RMST: variants seen among roughly 807,000 people sequenced by gnomAD.
The protein encoded by RMST is rhabdomyosarcoma 2 associated transcript.
At chr12:97,470,803 A>C (rs975531410) in intron 5 of RMST, among the ~76,000 whole-genome samples, 3 of 151,936 alleles carry the variant, frequency 2.0e-5, no homozygotes, top group African/African-American at 7.2e-5. Flanking sequence ...CCTGGGATAT[A>C]TTTCAGTATC....
chr12:97,463,876 G>GT (rs1047253608), intron 4 of RMST, among the ~76,000 whole-genome samples: 29 of 151,598 alleles, frequency 1.9e-4, no homozygotes, highest in African/African-American at 6.3e-4. Context: ...AAATTAGTTG[G>GT]TTTTTTTTAA....
chr12:97,519,138 T>C (rs748458942), intron 10 of RMST, among the ~76,000 whole-genome samples: 63 of 152,328 alleles, frequency 4.1e-4, no homozygotes, highest in Non-Finnish European at 7.5e-4. Context: ...AACTTCTGCA[T>C]TGTACATCTT....
chr12:97,499,782 C>A (rs1417557501), intron 10 of RMST, among the ~76,000 whole-genome samples: 1 of 151,804 alleles, frequency 6.6e-6, no homozygotes, highest in African/African-American at 2.4e-5. Context: ...TCCTCAGCCT[C>A]CCGAGTAGCT....
At chr12:97,482,791 ATTAT>A (rs1210391024) in intron 5 of RMST, among the ~76,000 whole-genome samples, 6 of 143,538 alleles carry the variant, frequency 4.2e-5, no homozygotes, top group Admixed American at 6.9e-5. Context: ...ATAAATTTAT[ATTAT>A]TTATTTATTA....
intron 10 of RMST, among the ~76,000 whole-genome samples, chr12:97,518,937 T>C (rs2136542891): frequency 6.7e-6 from 1 of 148,284 alleles, no homozygotes; most frequent in African/African-American, 2.6e-5. Flanking sequence ...GTTCAGCTAA[T>C]TAAAAAAAAA....
chr12:97,471,259 T>C (rs189041949), intron 5 of RMST, among the ~76,000 whole-genome samples: 2 of 152,226 alleles, frequency 1.3e-5, no homozygotes, highest in African/African-American at 2.4e-5. Context: ...GCATAATATA[T>C]GTGTAGCGTG....
intron 4 of RMST, chr12:97,465,637 T>TA (rs763412077): frequency 1.3e-5 from 2 of 152,120 alleles, no homozygotes; most frequent in Non-Finnish European, 2.9e-5. Flanking sequence ...TTTTAAGTAA[T>TA]ATGCTAATAG....
intron 5 of RMST, among the ~76,000 whole-genome samples, chr12:97,480,094 T>TTTC (rs200929363): frequency 0.086 from 10,150 of 117,430 alleles, 512 homozygotes; most frequent in African/African-American, 0.13. Flanking sequence ...TTTTTCTTTT[T>TTTC]TTTTCTTTTT....
intron 11 of RMST, chr12:97,551,834 A>G (rs1565938536): frequency 6.6e-6 from 1 of 152,192 alleles, no homozygotes. Flanking sequence ...CCACATAGGA[A>G]CGACTATGCT....
intron 5 of RMST, among the ~76,000 whole-genome samples, chr12:97,489,365 T>C (rs1207241668): frequency 6.6e-6 from 1 of 151,930 alleles, no homozygotes; most frequent in Non-Finnish European, 1.5e-5. Context: ...GAGGATCACT[T>C]GAGCCCAGGA....
At chr12:97,485,746 C>T (rs893657994) in intron 5 of RMST, among the ~76,000 whole-genome samples, 3 of 152,246 alleles carry the variant, frequency 2.0e-5, no homozygotes, top group Non-Finnish European at 2.9e-5. Context: ...AGAGGAGACA[C>T]AGTTCCATCT....
At chr12:97,535,198 C>A (rs1181288553) in intron 11 of RMST, among the ~76,000 whole-genome samples, 2 of 151,188 alleles carry the variant, frequency 1.3e-5, no homozygotes, top group East Asian at 3.9e-4. Flanking sequence ...AATAAGTGTC[C>A]CAATGTTAAC....
At chr12:97,529,400 A>G (rs1881426313) in intron 10 of RMST, among the ~76,000 whole-genome samples, 1 of 152,130 alleles carries the variant, frequency 6.6e-6, no homozygotes, top group Admixed American at 6.6e-5. Flanking sequence ...TGCAGTTTTC[A>G]CAGAGAGAGA....
At chr12:97,526,193 C>T (rs1881094789) in intron 10 of RMST, among the ~76,000 whole-genome samples, 1 of 152,086 alleles carries the variant, frequency 6.6e-6, no homozygotes, top group African/African-American at 2.4e-5. Context: ...TCCCCCACCC[C>T]ACTTCCGGTC....
intron 5 of RMST, among the ~76,000 whole-genome samples, chr12:97,483,642 A>G (rs998940314): frequency 1.3e-5 from 2 of 152,188 alleles, no homozygotes; most frequent in East Asian, 1.9e-4. Context: ...GTTATGACTT[A>G]TATCTCCTTT....
intron 11 of RMST, among the ~76,000 whole-genome samples, chr12:97,543,297 G>A (rs1185366780): frequency 1.3e-5 from 2 of 151,994 alleles, no homozygotes; most frequent in African/African-American, 2.4e-5. Flanking sequence ...TGTGGGGACA[G>A]AGTAAAGGCC....
rs556496028 is a variant in RMST at position 97,488,778 on chromosome 12, AC to A, written n.645-3680del. On this transcript the variant is annotated intron_variant and non_coding_transcript_variant, in intron 5 of 13. Transcript: ENST00000640149. ...GTTCCGTTTTCTTTGTATAGCACTT[AC>A]CCAGTAGCTCCATACAAGTGAGCAC... 2.0e-5 allele frequency among the ~76,000 whole-genome samples: 3 copies of A among 152,212 alleles called. No individual in the cohort carries two copies. In the South Asian group the frequency reaches 6.2e-4, roughly 32 times the overall value.
chr12:97,527,583 C>T (rs927614216), intron 10 of RMST, among the ~76,000 whole-genome samples: 1 of 152,142 alleles, frequency 6.6e-6, no homozygotes, highest in Admixed American at 6.6e-5. Flanking sequence ...TTCTCCAGGT[C>T]AGCTTCTCCT....
At chr12:97,466,660 G>A (rs1018702965) in intron 5 of RMST, among the ~76,000 whole-genome samples, 1 of 152,082 alleles carries the variant, frequency 6.6e-6, no homozygotes, top group African/African-American at 2.4e-5. Context: ...TCATTTTAAG[G>A]TGTAATAGAA....
Sources: allele counts gnomAD v4.1 joint callset (sites outside exome capture counted in the v4.1 genomes callset), GRCh38; gene constraint gnomAD v4.1.1; transcripts MANE v1.5; gene names NCBI Gene and HGNC (gene_info 2026-07-23, HGNC 2026-07-21).